SLC25A43: variants seen among roughly 807,000 people sequenced by gnomAD.
SLC25A43 encodes the protein solute carrier family 25 member 43.
SLC25A43 carries 10 observed loss-of-function variants against 22.8 expected under a neutral mutation model. The ratio of observed to expected loss-of-function variants is 0.44; its 90% CI spans 0.27 to 0.74. The LOEUF (loss-of-function observed/expected upper bound fraction) is 0.74, where lower values mean the gene tolerates loss of function less well. Ranked by LOEUF, SLC25A43 falls within the 30% of genes least tolerant of loss-of-function variation. SLC25A43 has a pLI of 0.17. For synonymous variants in SLC25A43, 106 were observed against 121.6 expected (o/e 0.87, Z 0.84); for missense variants, 233 against 279.1 (o/e 0.83, Z 1.18).
At chrX:119,415,709 A>T (rs1278247409) in intron 3 of SLC25A43, among the ~76,000 whole-genome samples, 1 of 102,426 alleles carries the variant, frequency 9.8e-6, no homozygotes, top group East Asian at 3.1e-4. Flanking sequence ...AAAAAAAAAA[A>T]TTTACCTGGT....
intron 3 of SLC25A43, among the ~76,000 whole-genome samples, chrX:119,418,241 TC>T (rs777870675): frequency 9.0e-6 from 1 of 111,654 alleles, no homozygotes; most frequent in African/African-American, 3.2e-5. Flanking sequence ...CACTCCAAAT[TC>T]ACCAAGAAGA....
chrX:119,407,377 C>T (rs1304885764), intron 2 of SLC25A43, among the ~76,000 whole-genome samples: 1 of 111,610 alleles, frequency 9.0e-6, no homozygotes, highest in Non-Finnish European at 1.9e-5. Flanking sequence ...CCTAGGTGGC[C>T]TCATCTATGC....
rs149412247 is a variant in SLC25A43, at chrX:119,408,148, A to G, written c.517+1447A>G. On this transcript the variant is annotated intron_variant, in intron 2 of 4. Coordinates refer to ENST00000217909, the MANE Select transcript of SLC25A43 (RefSeq NM_145305.3). ...AAGCCCAAATTCCTTAGGACATTCT[A>G]GATCCTTCAGACCTGGCCCCTGCCA... Among the ~76,000 whole-genome samples, 639 of 110,708 alleles carry G rather than the reference A, an allele frequency of 5.8e-3. 6 individuals are homozygous for G. Among genetic ancestry groups the G allele is most frequent in the African/African-American group, 0.02 (615 of 30,448 alleles).
chrX:119,410,239 G>A lies in SLC25A43; in HGVS notation c.567G>A (p.Glu189=). 8.3e-7 allele frequency: 1 copy of A among 1,210,988 alleles called. No individual in the cohort carries two copies. Among genetic ancestry groups the A allele is most frequent in the Non-Finnish European group, 1.1e-6 (1 of 895,291 alleles). ...AGSLLVYMNL[E]KIWNGPRDQF... ...CCCTTCTTGTTTACATGAACCTGGA[G>A]AAAATCTGGAACGGACCCCGAGATC... The change falls in exon 3 of 5, where the codon GAG becomes GAA. Residue 189 remains glutamate (E), a synonymous_variant. Transcript: ENST00000217909.
rs2052720401 is a variant in SLC25A43, at chrX:119,453,498, C to G, written c.*433C>G. 1 of 136,990 alleles carries G rather than the reference C, an allele frequency of 7.3e-6. No homozygotes were observed. Among genetic ancestry groups the G allele is most frequent in the Admixed American group, 8.0e-5 (1 of 12,559 alleles). 11.3% of individuals were successfully genotyped at this position (136,990 alleles called of 1,213,427 possible). A position where few individuals can be genotyped will look rare whatever the true frequency, so the allele number is the denominator to read the frequency against. On this transcript the variant is annotated 3_prime_UTR_variant, in exon 5 of 5. Transcript: ENST00000217909. ...GCACAAACCAACGTCAGCCTAGTTT[C>G]ACTCAGTTTGACCTGAGACTTTCCA...
At chrX:119,405,455 A>T (rs1432560942) in intron 1 of SLC25A43, among the ~76,000 whole-genome samples, 6 of 109,698 alleles carry the variant, frequency 5.5e-5, no homozygotes, top group Non-Finnish European at 1.1e-4. Flanking sequence ...GGAACTGGGG[A>T]TGCTCTCATT....
chrX:119,415,478 T>G (rs1171947877), intron 3 of SLC25A43, among the ~76,000 whole-genome samples: 1 of 109,598 alleles, frequency 9.1e-6, no homozygotes, highest in African/African-American at 3.3e-5. Flanking sequence ...GCGGATCACC[T>G]GAGGTCAGGA....
At chrX:119,403,478 C>T (rs183389011) in intron 1 of SLC25A43, among the ~76,000 whole-genome samples, 86 of 110,972 alleles carry the variant, frequency 7.7e-4, no homozygotes, top group Non-Finnish European at 1.2e-3. Context: ...TCAGTAGAGA[C>T]GGGGTTTCAC....
intron 4 of SLC25A43, 150 bp from the exon 5 acceptor site, chrX:119,452,715 C>A: frequency 2.0e-6 from 1 of 489,996 alleles, no homozygotes; most frequent in Non-Finnish European, 3.4e-6. Context: ...CTTTTGCCAT[C>A]TTTCCTGATT....
chrX:119,427,439 C>T (rs1423534714), intron 3 of SLC25A43, among the ~76,000 whole-genome samples: 1 of 112,170 alleles, frequency 8.9e-6, no homozygotes, highest in African/African-American at 3.2e-5. Flanking sequence ...TGTAGGCTTG[C>T]CTTGCTGGCG....
intron 4 of SLC25A43, 45 bp downstream of exon 4, chrX:119,452,188 T>C: frequency 8.7e-7 from 1 of 1,150,234 alleles, no homozygotes; most frequent in Non-Finnish European, 1.2e-6. Flanking sequence ...CCTCTTCCAA[T>C]TCTACCCTCT....
At chrX:119,421,716 C>G (rs1364907620) in intron 3 of SLC25A43, among the ~76,000 whole-genome samples, 1 of 111,886 alleles carries the variant, frequency 8.9e-6, no homozygotes, top group African/African-American at 3.3e-5. Flanking sequence ...CTTGATGGAT[C>G]AAGGTAGATG....
At chrX:119,443,756 AT>A (rs1223832006) in intron 3 of SLC25A43, among the ~76,000 whole-genome samples, 4 of 102,109 alleles carry the variant, frequency 3.9e-5, no homozygotes, top group Admixed American at 1.1e-4. Context: ...ATTTATTTTT[AT>A]TTTTTTGAAA....
intron 3 of SLC25A43, among the ~76,000 whole-genome samples, chrX:119,424,583 C>A (rs1052364750): frequency 2.7e-5 from 3 of 111,878 alleles, no homozygotes; most frequent in East Asian, 5.6e-4. Flanking sequence ...AGCGGGAAAG[C>A]AAACCTTGAT....
At chrX:119,442,467 C>G (rs770756277) in intron 3 of SLC25A43, among the ~76,000 whole-genome samples, 43 of 112,115 alleles carry the variant, frequency 3.8e-4, no homozygotes, top group Middle Eastern at 4.6e-3. Flanking sequence ...AAGGAGGTTA[C>G]TTTCCTGCAT....
chrX:119,430,406 T>C (rs999066954), intron 3 of SLC25A43, among the ~76,000 whole-genome samples: 2 of 112,353 alleles, frequency 1.8e-5, no homozygotes, highest in Non-Finnish European at 3.8e-5. Context: ...ATGAGGAAAT[T>C]GAAGCTCCAG....
intron 2 of SLC25A43, among the ~76,000 whole-genome samples, chrX:119,409,816 A>G (rs1181385183): frequency 1.8e-5 from 2 of 109,400 alleles, no homozygotes; most frequent in African/African-American, 3.3e-5. Context: ...GGGTTTCACC[A>G]TGTTGGCCAG....
intron 3 of SLC25A43, among the ~76,000 whole-genome samples, chrX:119,419,676 C>T (rs1408155433): frequency 2.7e-5 from 3 of 111,783 alleles, no homozygotes; most frequent in Non-Finnish European, 5.6e-5. Flanking sequence ...ATCATATCCC[C>T]ACTGTCACCT....
intron 3 of SLC25A43, among the ~76,000 whole-genome samples, chrX:119,425,465 G>C (rs1024756520): frequency 9.6e-6 from 1 of 103,986 alleles, no homozygotes; most frequent in Non-Finnish European, 2.0e-5. Flanking sequence ...CCTGTCCAGA[G>C]GTACAAACAC....
Sources: gnomAD v4.1 joint callset for allele counts (sites outside exome capture counted in the v4.1 genomes callset) on GRCh38, gnomAD v4.1.1 for gene constraint, MANE v1.5 for transcripts, NCBI Gene and HGNC (gene_info 2026-07-23, HGNC 2026-07-21) for gene names.